Variants in NRXN1 observed in about 807,000 individuals in gnomAD.
NRXN1 encodes neurexin-1.
Under a neutral mutation model 150.9 loss-of-function variants are expected in NRXN1, and 39 were observed. That is an observed-to-expected ratio of 0.26 (90% confidence interval 0.20 to 0.34). The LOEUF (loss-of-function observed/expected upper bound fraction) is 0.34. Ranked by LOEUF, NRXN1 falls within the 10% of genes least tolerant of loss-of-function variation. The probability of loss-of-function intolerance (pLI) is 1.00; values close to 1 mark genes in which losing one functional copy is unlikely to be tolerated. For missense variants in NRXN1, 1,815 were observed against 1,949.9 expected (o/e 0.93, Z 1.30); for synonymous variants, 924 against 757.0 (o/e 1.22, Z -3.62).
chr2:50,739,802 T>G (rs952789244), intron 5 of NRXN1, among the ~76,000 whole-genome samples: 1 of 152,178 alleles, frequency 6.6e-6, no homozygotes, highest in African/African-American at 2.4e-5. Flanking sequence ...TAAAGTCTTT[T>G]GGGGCTTAAA....
intron 18 of NRXN1, among the ~76,000 whole-genome samples, chr2:50,140,344 C>A (rs563834383): frequency 6.6e-6 from 1 of 152,050 alleles, no homozygotes; most frequent in African/African-American, 2.4e-5. Flanking sequence ...TTTTTCAGAA[C>A]CTGACCATGT....
At chr2:50,922,276 T>C (rs74354227) in intron 4 of NRXN1, among the ~76,000 whole-genome samples, 8,283 of 151,898 alleles carry the variant, frequency 0.055, 278 homozygotes, top group East Asian at 0.085. Context: ...GACTTATTTT[T>C]TGGATACAGT....
At chr2:50,576,606 G>A (rs1353090111) in intron 8 of NRXN1, among the ~76,000 whole-genome samples, 2 of 151,834 alleles carry the variant, frequency 1.3e-5, no homozygotes, top group Non-Finnish European at 2.9e-5. Flanking sequence ...TTAATTACCA[G>A]ACACACACAA....
intron 22 of NRXN1, among the ~76,000 whole-genome samples, chr2:49,942,796 G>A (rs913980927): frequency 6.6e-6 from 1 of 152,034 alleles, no homozygotes; most frequent in African/African-American, 2.4e-5. Flanking sequence ...TTTTGGCAGG[G>A]ACAGGGTTTT....
intron 5 of NRXN1, among the ~76,000 whole-genome samples, chr2:50,908,249 G>C (rs1246807708): frequency 1.3e-5 from 2 of 151,874 alleles, no homozygotes; most frequent in East Asian, 3.9e-4. Context: ...GTACAGAAAG[G>C]CTGACTTATG....
chr2:50,233,172 C>G (rs1260857082), intron 18 of NRXN1, among the ~76,000 whole-genome samples: 2 of 151,994 alleles, frequency 1.3e-5, no homozygotes, highest in Non-Finnish European at 1.5e-5. Flanking sequence ...CACTCATATT[C>G]TAGGTACTAT....
chr2:50,464,218 A>G (rs2088568994), intron 17 of NRXN1, among the ~76,000 whole-genome samples: 1 of 151,754 alleles, frequency 6.6e-6, no homozygotes, highest in Non-Finnish European at 1.5e-5. Flanking sequence ...CTGTAATTCT[A>G]TGGGAGAGGA....
intron 21 of NRXN1, among the ~76,000 whole-genome samples, chr2:49,954,324 C>T (rs183532900): frequency 2.7e-4 from 41 of 152,100 alleles, no homozygotes; most frequent in African/African-American, 7.7e-4. Flanking sequence ...GTAGGTAGCA[C>T]CAATCTATGT....
At chr2:50,884,601 A>C (rs1559392187) in intron 5 of NRXN1, among the ~76,000 whole-genome samples, 1 of 151,646 alleles carries the variant, frequency 6.6e-6, no homozygotes, top group Non-Finnish European at 1.5e-5. Flanking sequence ...CGTAGGAGAT[A>C]AATATGAACC....
chr2:49,942,032 A>C (rs1282783163), intron 22 of NRXN1, among the ~76,000 whole-genome samples: 1 of 152,200 alleles, frequency 6.6e-6, no homozygotes, highest in Non-Finnish European at 1.5e-5. Flanking sequence ...TAAGCATACC[A>C]ATGAAAACCA....
At chr2:50,388,177 C>T (rs1317537489) in intron 17 of NRXN1, among the ~76,000 whole-genome samples, 1 of 152,088 alleles carries the variant, frequency 6.6e-6, no homozygotes, top group Admixed American at 6.6e-5. Flanking sequence ...GGAGTACAGG[C>T]ATGATTCTGA....
At chr2:50,961,187 C>T (rs184746460) in intron 2 of NRXN1, among the ~76,000 whole-genome samples, 1 of 151,976 alleles carries the variant, frequency 6.6e-6, no homozygotes, top group Non-Finnish European at 1.5e-5. Context: ...TGTGAATTGA[C>T]TCAAGCATAT....
chr2:50,128,759 G>T (rs1704993148), intron 18 of NRXN1, among the ~76,000 whole-genome samples: 1 of 151,994 alleles, frequency 6.6e-6, no homozygotes, highest in South Asian at 2.1e-4. Context: ...GAGGGGGGTG[G>T]ATCGCCTGAG....
At chr2:50,007,695 T>C (rs1050489008) in intron 21 of NRXN1, among the ~76,000 whole-genome samples, 28 of 152,274 alleles carry the variant, frequency 1.8e-4, no homozygotes, top group African/African-American at 6.7e-4. Flanking sequence ...TAAACATACA[T>C]GTGCATGTGT....
At chr2:50,266,905 ATTC>A (rs1290213721) in intron 17 of NRXN1, among the ~76,000 whole-genome samples, 3 of 152,350 alleles carry the variant, frequency 2.0e-5, no homozygotes, top group South Asian at 2.1e-4. Context: ...AACATTAGTT[ATTC>A]TTCTTTATTA....
At position 50,268,018 on chromosome 2, in the gene NRXN1, C is replaced by T. The variant is rs975537754; in HGVS notation, c.3365-31048G>A. Among the ~76,000 whole-genome samples, 9 of 151,902 alleles carry T rather than the reference C, an allele frequency of 5.9e-5. No individual in the cohort carries two copies. The East Asian group carries it at 9.7e-4, about 16-fold the overall frequency. On this transcript the variant is annotated intron_variant, in intron 17 of 22. Coordinates refer to ENST00000401669, the MANE Select transcript of NRXN1 (RefSeq NM_001330078.2). ...CAGCCTGGGTAACATGGCGAAACCT[C>T]GTCTCTACCAAAATACAAAAAATCA...
intron 22 of NRXN1, among the ~76,000 whole-genome samples, chr2:49,941,006 C>T (rs976402003): frequency 6.6e-6 from 1 of 152,018 alleles, no homozygotes; most frequent in Non-Finnish European, 1.5e-5. Context: ...GTTAAAGTAG[C>T]TGTCGTTAGA....
intron 18 of NRXN1, among the ~76,000 whole-genome samples, chr2:50,121,320 GC>G (rs1367742139): frequency 3.3e-5 from 5 of 152,064 alleles, no homozygotes; most frequent in African/African-American, 1.2e-4. Flanking sequence ...TGCCCACTGC[GC>G]CCAGCCTTAT....
In NRXN1 at chr2:50,572,664, C is replaced by G. The variant is rs191121166; in HGVS notation, c.1321-19639G>C. ...GCTGCACAGCTAGTAATAACTCATT[C>G]CACTGTATCACACCAAATTACAACA... is the stretch of plus-strand genomic sequence containing the variant. On this transcript the variant is annotated intron_variant, in intron 8 of 22. Coordinates refer to ENST00000401669, the MANE Select transcript of NRXN1 (RefSeq NM_001330078.2). Among the ~76,000 whole-genome samples the G allele has an allele frequency of 1.7e-3, 252 of 152,256 alleles. 2 individuals carry two copies. Among genetic ancestry groups the G allele is most frequent in the African/African-American group, 6.0e-3 (248 of 41,566 alleles).
Sources: gnomAD v4.1 joint callset for allele counts (sites outside exome capture counted in the v4.1 genomes callset) on GRCh38, gnomAD v4.1.1 for gene constraint, MANE v1.5 for transcripts, NCBI Gene and HGNC (gene_info 2026-07-23, HGNC 2026-07-21) for gene names.